Variants in GRIK2 observed in about 807,000 individuals in gnomAD.
The protein encoded by GRIK2 is glutamate receptor ionotropic, kainate 2.
GRIK2 carries 32 observed loss-of-function variants against 100.3 expected under a neutral mutation model. The observed-to-expected ratio is 0.32, with a 90% CI of 0.24 to 0.43. The LOEUF (loss-of-function observed/expected upper bound fraction) is 0.43. Among genes scored for constraint, GRIK2 ranks in the 20% least tolerant of loss-of-function variants. The pLI is 1.00. For missense variants in GRIK2, 843 were observed against 1,114.9 expected (o/e 0.76, Z 3.47); for synonymous variants, 417 against 389.4 (o/e 1.07, Z -0.83).
chr6:101,739,036 C>T (rs2128376328), intron 7 of GRIK2, among the ~76,000 whole-genome samples: 1 of 152,300 alleles, frequency 6.6e-6, no homozygotes, highest in East Asian at 1.9e-4. Flanking sequence ...CTATCATTCA[C>T]TCTAAACCTG....
intron 2 of GRIK2, among the ~76,000 whole-genome samples, chr6:101,476,994 T>C (rs1772268606): frequency 6.6e-6 from 1 of 152,186 alleles, no homozygotes; most frequent in South Asian, 2.1e-4. Flanking sequence ...CAATGGTTAA[T>C]TTAAATATTA....
At chr6:101,543,645 G>A (rs1278635264) in intron 2 of GRIK2, among the ~76,000 whole-genome samples, 1 of 152,158 alleles carries the variant, frequency 6.6e-6, no homozygotes, top group East Asian at 1.9e-4. Flanking sequence ...CTCCAGCTCT[G>A]CCATGTGGCT....
intron 14 of GRIK2, among the ~76,000 whole-genome samples, chr6:102,000,262 T>G (rs948769327): frequency 4.8e-5 from 7 of 144,696 alleles, no homozygotes; most frequent in Non-Finnish European, 9.0e-5. Context: ...GCATAGAGTT[T>G]TCTTTGTTGA....
At chr6:101,930,153 A>G (rs9498754) in intron 14 of GRIK2, among the ~76,000 whole-genome samples, 3,325 of 152,086 alleles carry the variant, frequency 0.022, 125 homozygotes, top group African/African-American at 0.076. Flanking sequence ...ACCAGCCTCC[A>G]TAACATGGCA....
intron 2 of GRIK2, among the ~76,000 whole-genome samples, chr6:101,547,734 G>C (rs199585209): frequency 0.15 from 22,126 of 151,678 alleles, 1,819 homozygotes; most frequent in Admixed American, 0.19. Flanking sequence ...GGACATTTGG[G>C]TTGGTTCCAA....
At chr6:101,682,208 A>G (rs1771322124) in intron 5 of GRIK2, among the ~76,000 whole-genome samples, 1 of 152,156 alleles carries the variant, frequency 6.6e-6, no homozygotes, top group Non-Finnish European at 1.5e-5. Flanking sequence ...GGTGTTCCTC[A>G]TTGGAGTATT....
At chr6:101,669,742 A>C (rs1355491163) in intron 4 of GRIK2, among the ~76,000 whole-genome samples, 1 of 152,160 alleles carries the variant, frequency 6.6e-6, no homozygotes, top group Non-Finnish European at 1.5e-5. Context: ...TGTGTATTTC[A>C]CATAAAATGG....
At chr6:101,906,655 T>C (rs775477351) in intron 12 of GRIK2, among the ~76,000 whole-genome samples, 16 of 151,750 alleles carry the variant, frequency 1.1e-4, no homozygotes, top group Non-Finnish European at 2.2e-4. Flanking sequence ...TAAGAATGGA[T>C]GGCATTTCAG....
intron 4 of GRIK2, among the ~76,000 whole-genome samples, chr6:101,642,866 C>G (rs2128325127): frequency 6.6e-6 from 1 of 151,762 alleles, no homozygotes; most frequent in South Asian, 2.1e-4. Context: ...CACAAGAGTT[C>G]TAACTTATCC....
At chr6:101,533,985 C>A (rs1775566889) in intron 2 of GRIK2, among the ~76,000 whole-genome samples, 1 of 151,808 alleles carries the variant, frequency 6.6e-6, no homozygotes, top group Non-Finnish European at 1.5e-5. Context: ...TACCTTCATG[C>A]CTCATTGACA....
At chr6:101,714,416 T>A (rs1773924264) in intron 7 of GRIK2, among the ~76,000 whole-genome samples, 1 of 151,772 alleles carries the variant, frequency 6.6e-6, no homozygotes, top group South Asian at 2.1e-4. Flanking sequence ...TGTATCTTAC[T>A]TTACATCTCT....
chr6:101,426,696 C>T (rs1487053388), intron 2 of GRIK2, among the ~76,000 whole-genome samples: 2 of 152,170 alleles, frequency 1.3e-5, no homozygotes, highest in African/African-American at 2.4e-5. Flanking sequence ...GCCTGCCTCT[C>T]TCTTTCTAAT....
At chr6:101,543,941 T>G (rs1776119358) in intron 2 of GRIK2, among the ~76,000 whole-genome samples, 1 of 151,844 alleles carries the variant, frequency 6.6e-6, no homozygotes, top group Non-Finnish European at 1.5e-5. Context: ...TGATAGAAAA[T>G]GATTGAGTAA....
intron 7 of GRIK2, among the ~76,000 whole-genome samples, chr6:101,782,677 T>C (rs1201848866): frequency 1.3e-5 from 2 of 152,200 alleles, no homozygotes; most frequent in Admixed American, 1.3e-4. Context: ...TAGGAGTGCA[T>C]GTATCCCTTT....
chr6:101,632,772 G>A (rs781357081), intron 4 of GRIK2, among the ~76,000 whole-genome samples: 2 of 152,076 alleles, frequency 1.3e-5, no homozygotes, highest in Non-Finnish European at 2.9e-5. Flanking sequence ...TCAGAGTAGA[G>A]TAAGTTAGGA....
chr6:101,750,805 A>C (rs1394308766), intron 7 of GRIK2, among the ~76,000 whole-genome samples: 1 of 152,206 alleles, frequency 6.6e-6, no homozygotes, highest in African/African-American at 2.4e-5. Context: ...GGAGCTTGGT[A>C]GAGGAATAAT....
chr6:101,537,574 A>G (rs1775776669), intron 2 of GRIK2, among the ~76,000 whole-genome samples: 1 of 151,636 alleles, frequency 6.6e-6, no homozygotes, highest in East Asian at 1.9e-4. Flanking sequence ...TTGTGGCCAG[A>G]TGGGCATCTG....
At chr6:101,531,537 C>T (rs1240567100) in intron 2 of GRIK2, among the ~76,000 whole-genome samples, 1 of 151,828 alleles carries the variant, frequency 6.6e-6, no homozygotes, top group Admixed American at 6.6e-5. Flanking sequence ...ACCTCCTTCT[C>T]CTGCTTGAGA....
chr6:101,415,711 A>AC (rs1021042619), intron 2 of GRIK2, among the ~76,000 whole-genome samples: 6 of 152,106 alleles, frequency 3.9e-5, no homozygotes, highest in African/African-American at 1.4e-4. Flanking sequence ...AATTTGTATT[A>AC]CAGAGGTGCT....
Sources: gnomAD v4.1 joint callset for allele counts (sites outside exome capture counted in the v4.1 genomes callset) on GRCh38, gnomAD v4.1.1 for gene constraint, MANE v1.5 for transcripts, NCBI Gene and HGNC (gene_info 2026-07-23, HGNC 2026-07-21) for gene names.